The following RAB19 variants were observed in gnomAD, a reference collection of about 807,000 sequenced individuals.
The protein encoded by RAB19 is ras-related protein Rab-19.
Under a neutral mutation model 17.3 loss-of-function variants are expected in RAB19, and 21 were observed. The ratio of observed to expected loss-of-function variants is 1.21; its 90% CI spans 0.86 to 1.74. The LOEUF (loss-of-function observed/expected upper bound fraction) is 1.74, where lower values mean the gene tolerates loss of function less well. RAB19 is among the 40% of genes most tolerant of loss of function. RAB19 has a pLI of 0.00. For synonymous variants in RAB19, 126 were observed against 110.4 expected (o/e 1.14, Z -0.88); for missense variants, 277 against 286.8 (o/e 0.97, Z 0.25).
chr7:140,411,344 A>G (rs1799357734), intron 2 of RAB19, among the ~76,000 whole-genome samples: 1 of 152,138 alleles, frequency 6.6e-6, no homozygotes, highest in South Asian at 2.1e-4. Flanking sequence ...AGCTTGCAGT[A>G]AGCTGAGATG....
chr7:140,412,183 GGCTCA>G, intron 3 of RAB19, 126 bp downstream of exon 3: 1 of 1,000,750 alleles, frequency 1.0e-6, no homozygotes, highest in East Asian at 2.4e-5. Flanking sequence ...CGGGCACAGT[GGCTCA>G]CACCTGTAAT....
chr7:140,427,611 C>G lies in RAB19; in HGVS notation c.*1461C>G, dbSNP rs1025262319. Among the ~76,000 whole-genome samples the G allele has an allele frequency of 5.3e-5, 8 of 151,292 alleles. No homozygotes were observed. The highest frequency in any genetic ancestry group is 1.9e-4 in the African/African-American group (8 of 41,082). ...GGATTACAGCCTCCCGCCACCACGC[C>G]TAGCTAATTTTTGTGTTTTTAGTAG... On this transcript the variant is annotated 3_prime_UTR_variant, in exon 4 of 4. Transcript: ENST00000537763.
chr7:140,421,961 T>C (rs1799569259), intron 3 of RAB19, among the ~76,000 whole-genome samples: 1 of 152,232 alleles, frequency 6.6e-6, no homozygotes, highest in Non-Finnish European at 1.5e-5. Flanking sequence ...TAAAGTTTAA[T>C]TGATTGATTA....
chr7:140,412,733 A>T (rs1159835002), intron 3 of RAB19, among the ~76,000 whole-genome samples: 2 of 150,508 alleles, frequency 1.3e-5, no homozygotes, highest in African/African-American at 2.4e-5. Flanking sequence ...TTAATTTTTT[A>T]TGGGTATCTA....
chr7:140,427,229 C>A lies in RAB19; in HGVS notation c.*1079C>A, dbSNP rs1799687886. On this transcript the variant is annotated 3_prime_UTR_variant, in exon 4 of 4. Coordinates refer to ENST00000537763, the MANE Select transcript of RAB19 (RefSeq NM_001008749.3). ...GCATGATCTCGGCTCACTGCAACCT[C>A]AACCTCCACCTCCTGGGTTCAAGCA... Among the ~76,000 whole-genome samples, 1 of 148,748 alleles carries A rather than the reference C, an allele frequency of 6.7e-6. No homozygotes were observed.
intron 1 of RAB19, among the ~76,000 whole-genome samples, chr7:140,407,136 T>G (rs1770368136): frequency 6.6e-6 from 1 of 152,128 alleles, no homozygotes; most frequent in South Asian, 2.1e-4. Flanking sequence ...CCACCCACCT[T>G]GGCCTTCCGA....
intron 2 of RAB19, among the ~76,000 whole-genome samples, chr7:140,411,538 T>TAAA (rs11449354): frequency 0.011 from 1,527 of 144,940 alleles, 26 homozygotes; most frequent in African/African-American, 0.034. Context: ...CCTGATGAGC[T>TAAA]AAAAAAAAAA....
chr7:140,407,633 A>G lies in RAB19; in HGVS notation c.-14A>G, dbSNP rs138343772. ...CATCCTTTCTTCCTAGTTCTGTTCT[A>G]GGTGGCAAGAACCATGCACTTCTCC... On this transcript the variant is annotated 5_prime_UTR_variant, in exon 2 of 4. Coordinates refer to ENST00000537763, the MANE Select transcript of RAB19 (RefSeq NM_001008749.3). The G allele has an allele frequency of 8.2e-5, 132 of 1,613,172 alleles. 1 individual carries two copies. In the African/African-American group the frequency reaches 1.5e-3, roughly 18 times the overall value.
intron 2 of RAB19, among the ~76,000 whole-genome samples, chr7:140,410,704 C>T (rs1467184901): frequency 6.6e-6 from 1 of 151,896 alleles, no homozygotes; most frequent in Non-Finnish European, 1.5e-5. Flanking sequence ...AGCGATCCGC[C>T]ACCTCAGCCT....
chr7:140,417,242 A>AAG (rs1420488393), intron 3 of RAB19, among the ~76,000 whole-genome samples: 4 of 150,670 alleles, frequency 2.7e-5, no homozygotes, highest in African/African-American at 9.8e-5. Context: ...TCTCAAAAAA[A>AAG]AAAAAAAAAA....
rs1799682993 is a variant in RAB19 at position 140,426,913 on chromosome 7, C to CCCA, written c.*763_*764insCCA. Among the ~76,000 whole-genome samples the CCCA allele has an allele frequency of 1.4e-5, 2 of 145,906 alleles. No individual in the cohort carries two copies. Among genetic ancestry groups the CCCA allele is most frequent in the African/African-American group, 5.2e-5 (2 of 38,532 alleles). On this transcript the variant is annotated 3_prime_UTR_variant, in exon 4 of 4. Transcript: ENST00000537763. The stretch of plus-strand genomic sequence containing the variant: ...CTGGAGTATAGTGGTGGGATCTTGG[C>CCCA]TCACTGCAACCTCTACCTCCTGGGT...
At chr7:140,418,396 CAAAAAAAAAAA>C (rs140238398) in intron 3 of RAB19, among the ~76,000 whole-genome samples, 7 of 70,356 alleles carry the variant, frequency 9.9e-5, no homozygotes, top group East Asian at 7.4e-4. Flanking sequence ...TGCTAAAATA[CAAAAAAAAAAA>C]AAAAAAAAAA....
At chr7:140,406,941 A>G (rs1799253188) in intron 1 of RAB19, among the ~76,000 whole-genome samples, 1 of 151,600 alleles carries the variant, frequency 6.6e-6, no homozygotes, top group South Asian at 2.1e-4. Flanking sequence ...GCTGGAGTGC[A>G]AAGGCATGAT....
chr7:140,405,889 C>T lies in RAB19; in HGVS notation c.-24+1672C>T, dbSNP rs1450066776. ...GATGAGCTCCAAAAATATATTTTTT[C>T]AATGATATTCCCAGATAATTCTGAT... On this transcript the variant is annotated intron_variant, in intron 1 of 3. Coordinates refer to ENST00000537763, the MANE Select transcript of RAB19 (RefSeq NM_001008749.3). Among the ~76,000 whole-genome samples, 5 of 151,386 alleles carry T rather than the reference C, an allele frequency of 3.3e-5. No homozygotes were observed. In the East Asian group the frequency reaches 9.7e-4, roughly 29 times the overall value.
At chr7:140,405,951 T>C (rs1272322274) in intron 1 of RAB19, among the ~76,000 whole-genome samples, 2 of 152,134 alleles carry the variant, frequency 1.3e-5, no homozygotes, top group African/African-American at 4.8e-5. Flanking sequence ...ATTAAAAACC[T>C]TTATTTTCCA....
intron 3 of RAB19, among the ~76,000 whole-genome samples, chr7:140,417,100 G>A (rs1403777483): frequency 6.6e-6 from 1 of 151,610 alleles, no homozygotes; most frequent in African/African-American, 2.4e-5. Context: ...GCCAGGTGTG[G>A]TGGTGAGTGC....
chr7:140,413,182 A>T lies in RAB19; in HGVS notation c.385+1125A>T, dbSNP rs979324053. Among the ~76,000 whole-genome samples, 8 of 152,102 alleles carry T rather than the reference A, an allele frequency of 5.3e-5. No individual in the cohort carries two copies. In the East Asian group the frequency reaches 1.2e-3, roughly 22 times the overall value. On this transcript the variant is annotated intron_variant, in intron 3 of 3. Coordinates refer to ENST00000537763, the MANE Select transcript of RAB19 (RefSeq NM_001008749.3). ...GTTCTTAGCACCTTTGTCGAAAATG[A>T]CTTTACTGTAGATGTATAGATTTAT...
In RAB19 at chr7:140,426,264, C is replaced by T. The variant is rs2130177233; in HGVS notation, c.*114C>T. Reference sequence around the variant, plus strand: ...TTTAGACCCCAGCGTGGACTTGCCGCTCACCCCTAATCCTCCCAGTCTGGA... The same window carrying T: ...TTTAGACCCCAGCGTGGACTTGCCGTTCACCCCTAATCCTCCCAGTCTGGA... On this transcript the variant is annotated 3_prime_UTR_variant, in exon 4 of 4. Transcript: ENST00000537763. 1 of 1,246,084 alleles carries T rather than the reference C, an allele frequency of 8.0e-7. No individual in the cohort carries two copies. Among genetic ancestry groups the T allele is most frequent in the Non-Finnish European group, 1.1e-6 (1 of 912,364 alleles). 77.2% of individuals were successfully genotyped at this position (1,246,084 alleles called of 1,614,324 possible).
chr7:140,409,510 C>A (rs144201964), intron 2 of RAB19, among the ~76,000 whole-genome samples: 2 of 151,852 alleles, frequency 1.3e-5, no homozygotes, highest in African/African-American at 2.4e-5. Context: ...GCCTGGCCAA[C>A]GGGGGGAAAC....
Sources: gnomAD v4.1 joint callset for allele counts (sites outside exome capture counted in the v4.1 genomes callset) on GRCh38, gnomAD v4.1.1 for gene constraint, MANE v1.5 for transcripts, NCBI Gene and HGNC (gene_info 2026-07-23, HGNC 2026-07-21) for gene names.